Variants in EIF2S2 observed in about 807,000 individuals in gnomAD.
EIF2S2 encodes eukaryotic translation initiation factor 2 subunit beta, also known as eukaryotic translation initiation factor 2 subunit 2.
In EIF2S2, 4 loss-of-function variants were observed where a neutral mutation model predicts 44.0. The ratio of observed to expected loss-of-function variants is 0.09; its 90% CI spans 0.04 to 0.21. EIF2S2 has a LOEUF of 0.21. Among genes scored for constraint, EIF2S2 ranks in the 10% least tolerant of loss-of-function variants. The probability of loss-of-function intolerance (pLI) is 1.00; values close to 1 mark genes in which losing one functional copy is unlikely to be tolerated. For synonymous variants in EIF2S2, 108 were observed against 128.3 expected, an observed-to-expected ratio of 0.84 and a Z score of 1.07; for missense variants, 154 against 392.0, an observed-to-expected ratio of 0.39 and a Z score of 5.13.
chr20:34,092,888 T>TTG lies in EIF2S2; in HGVS notation c.740+785_740+786dup, dbSNP rs542525661. Reference sequence around the variant, plus strand: ...AAGCTGCAGGGACAGATAGACCTGATTGTATCTATCTTGACTGTGCCACTA... The same window carrying TTG: ...AAGCTGCAGGGACAGATAGACCTGATTGTGTATCTATCTTGACTGTGCCACTA... On this transcript the variant is annotated intron_variant, in intron 7 of 8. Coordinates refer to ENST00000374980, the MANE Select transcript of EIF2S2 (RefSeq NM_003908.5). Among the ~76,000 whole-genome samples, 99 of 152,310 alleles carry TTG rather than the reference T, an allele frequency of 6.5e-4. 1 individual carries two copies. The highest frequency in any genetic ancestry group is 2.3e-3 in the African/African-American group (96 of 41,566).
intron 7 of EIF2S2, among the ~76,000 whole-genome samples, chr20:34,090,862 C>T (rs1262798333): frequency 6.6e-6 from 1 of 152,116 alleles, no homozygotes; most frequent in East Asian, 1.9e-4. Context: ...AATCCTCCCA[C>T]CTAAGCCTAG....
intron 1 of EIF2S2, among the ~76,000 whole-genome samples, chr20:34,107,159 C>CA (rs1400414576): frequency 1.3e-5 from 2 of 151,398 alleles, no homozygotes; most frequent in Admixed American, 6.6e-5. Flanking sequence ...GCCTGGGTGA[C>CA]AGAGCAAGAC....
chr20:34,111,067 G>T (rs568031209), intron 1 of EIF2S2, among the ~76,000 whole-genome samples: 1 of 152,248 alleles, frequency 6.6e-6, no homozygotes, highest in South Asian at 2.1e-4. Flanking sequence ...TAAGAGACTG[G>T]AATCCCGTCC....
chr20:34,094,097 G>A (rs1303613609), intron 6 of EIF2S2, among the ~76,000 whole-genome samples: 3 of 151,984 alleles, frequency 2.0e-5, no homozygotes, highest in Non-Finnish European at 4.4e-5. Context: ...TCACTATGTT[G>A]CCCAGACTGG....
intron 1 of EIF2S2, among the ~76,000 whole-genome samples, chr20:34,111,464 T>C (rs539560397): frequency 1.3e-5 from 2 of 152,300 alleles, no homozygotes; most frequent in African/African-American, 4.8e-5. Context: ...CACTTCCCGC[T>C]CACGTCGCCG....
At chr20:34,094,800 AC>A (rs1010412743) in intron 6 of EIF2S2, among the ~76,000 whole-genome samples, 1 of 152,182 alleles carries the variant, frequency 6.6e-6, no homozygotes, top group African/African-American at 2.4e-5. Flanking sequence ...TTAAATCTAT[AC>A]TGTGGCACTG....
intron 2 of EIF2S2, among the ~76,000 whole-genome samples, chr20:34,104,931 G>C (rs756645992): frequency 6.6e-6 from 1 of 152,200 alleles, no homozygotes; most frequent in Non-Finnish European, 1.5e-5. Flanking sequence ...GTCAAATTAT[G>C]TCTATGTTAC....
chr20:34,105,288 C>T lies in EIF2S2; in HGVS notation c.193+80G>A, dbSNP rs139904156. 29 of 1,474,010 alleles carry T rather than the reference C, an allele frequency of 2.0e-5. No homozygotes were observed. The East Asian group carries it at 6.4e-4, about 32-fold the overall frequency. The allele number at this position is 1,474,010 out of a possible 1,614,324, so 91.3% of individuals were successfully genotyped here. On this transcript the variant is annotated intron_variant, in intron 2 of 8. Transcript: ENST00000374980. ...GAACAGCCTTGTCAGGCTGAGAGGT[C>T]GCTGCATATCCAAAAGCCAAAACGC...
At chr20:34,109,174 C>CTT (rs927510881) in intron 1 of EIF2S2, among the ~76,000 whole-genome samples, 1 of 148,824 alleles carries the variant, frequency 6.7e-6, no homozygotes, top group African/African-American at 2.5e-5. Context: ...GAATCAAATA[C>CTT]TTTTTTTTTT....
At chr20:34,090,652 G>T in intron 7 of EIF2S2, 50 bp from the exon 8 acceptor site, 1 of 1,134,734 alleles carries the variant, frequency 8.8e-7, no homozygotes. Context: ...TTTCCTAAAG[G>T]AACCAAATTC....
Position 34,096,941 on chromosome 20 carries a change from G to A in EIF2S2, c.535-136C>T. ...CACATGCATTACTACAAGTCTGGGAGCTCCTTGAGGGCAGAGGTTCATCCC... is the reference window on the plus strand; with the variant it reads ...CACATGCATTACTACAAGTCTGGGAACTCCTTGAGGGCAGAGGTTCATCCC... On this transcript the variant is annotated intron_variant, in intron 5 of 8. Coordinates refer to ENST00000374980, the MANE Select transcript of EIF2S2 (RefSeq NM_003908.5). The A allele has an allele frequency of 5.2e-6, 5 of 960,842 alleles. No homozygotes were observed. In the South Asian group the frequency reaches 8.7e-5, roughly 17 times the overall value. The allele number at this position is 960,842 out of a possible 1,614,324, so 59.5% of individuals were successfully genotyped here.
chr20:34,094,342 T>A (rs2034202720), intron 6 of EIF2S2, among the ~76,000 whole-genome samples: 1 of 152,208 alleles, frequency 6.6e-6, no homozygotes, highest in Non-Finnish European at 1.5e-5. Flanking sequence ...CAGGAAAAGA[T>A]ACAAAGGTGG....
chr20:34,100,993 T>C (rs533351417), intron 3 of EIF2S2, among the ~76,000 whole-genome samples: 42 of 152,256 alleles, frequency 2.8e-4, no homozygotes, highest in African/African-American at 9.6e-4. Flanking sequence ...TTCATTAATA[T>C]CTATTTTGTG....
intron 8 of EIF2S2, among the ~76,000 whole-genome samples, 171 bp downstream of exon 8, chr20:34,090,346 C>G (rs1404146744): frequency 6.6e-6 from 1 of 152,234 alleles, no homozygotes; most frequent in Non-Finnish European, 1.5e-5. Context: ...CCTTTTCTAT[C>G]TATACCCCTA....
At position 34,089,367 on chromosome 20, in the gene EIF2S2, G is replaced by C. The variant is rs1357217618; in HGVS notation, c.*363C>G. On this transcript the variant is annotated 3_prime_UTR_variant, in exon 9 of 9. Coordinates refer to ENST00000374980, the MANE Select transcript of EIF2S2 (RefSeq NM_003908.5). ...GAGCCCGGCACACACTGTTTTATATGGTTGGTTTCTTGCTGATTTCACCAA... is the reference window on the plus strand; with the variant it reads ...GAGCCCGGCACACACTGTTTTATATCGTTGGTTTCTTGCTGATTTCACCAA... 1.0e-5 allele frequency: 2 copies of C among 199,978 alleles called. No homozygotes were observed. Among genetic ancestry groups the C allele is most frequent in the African/African-American group, 4.7e-5 (2 of 42,272 alleles). The allele number at this position is 199,978 out of a possible 1,614,324, so 12.4% of individuals were successfully genotyped here.
chr20:34,111,228 C>T (rs535361688), intron 1 of EIF2S2, among the ~76,000 whole-genome samples: 2 of 152,306 alleles, frequency 1.3e-5, no homozygotes, highest in East Asian at 3.9e-4. Flanking sequence ...TCGACCATTC[C>T]TTTGCCCTTG....
In EIF2S2 at chr20:34,093,524, C is replaced by T. The variant is rs1022707317; in HGVS notation, c.740+151G>A. ...ATTCCTAAGCAGCCAAGCTCTCCCA[C>T]AGAAATGAAGTGATTTCACTCCTCC... On this transcript the variant is annotated intron_variant, in intron 7 of 8. Transcript: ENST00000374980. 3 of 638,788 alleles carry T rather than the reference C, an allele frequency of 4.7e-6. No homozygotes were observed. In the African/African-American group the frequency reaches 5.6e-5, roughly 12 times the overall value. 39.6% of individuals were successfully genotyped at this position (638,788 alleles called of 1,614,324 possible). A position where few individuals can be genotyped will look rare whatever the true frequency, so the allele number is the denominator to read the frequency against.
At chr20:34,096,551 T>C in intron 6 of EIF2S2, 106 bp downstream of exon 6, 4 of 1,171,094 alleles carry the variant, frequency 3.4e-6, no homozygotes, top group Non-Finnish European at 4.9e-6. Flanking sequence ...TACACCTGTG[T>C]GTTCTTTCCA....
chr20:34,107,534 G>C (rs760771058), intron 1 of EIF2S2, among the ~76,000 whole-genome samples: 6 of 152,164 alleles, frequency 3.9e-5, no homozygotes, highest in East Asian at 1.9e-4. Flanking sequence ...TGCCTGGTAC[G>C]TAAGTACTCG....
Sources: gnomAD v4.1 joint callset for allele counts (sites outside exome capture counted in the v4.1 genomes callset) on GRCh38, gnomAD v4.1.1 for gene constraint, MANE v1.5 for transcripts, NCBI Gene and HGNC (gene_info 2026-07-23, HGNC 2026-07-21) for gene names.